The following ATOH8 variants were observed in gnomAD, a reference collection of about 807,000 sequenced individuals.
The protein encoded by ATOH8 is transcription factor ATOH8.
ATOH8 carries 9 observed loss-of-function variants against 21.2 expected under a neutral mutation model. The observed-to-expected ratio is 0.42, with a 90% CI of 0.26 to 0.74. The LOEUF (loss-of-function observed/expected upper bound fraction) is 0.74, where lower values mean the gene tolerates loss of function less well. Among genes scored for constraint, ATOH8 ranks in the 30% least tolerant of loss-of-function variants. The pLI is 0.24. For missense variants in ATOH8, 524 were observed against 470.9 expected (o/e 1.11, Z -1.04); for synonymous variants, 253 against 224.0 (o/e 1.13, Z -1.16).
At chr2:85,778,043 G>A (rs1317676972) in intron 2 of ATOH8, among the ~76,000 whole-genome samples, 3 of 152,256 alleles carry the variant, frequency 2.0e-5, no homozygotes, top group Non-Finnish European at 4.4e-5. Context: ...GCTCCGACAT[G>A]TAGCTACTAA....
At chr2:85,764,212 C>T in intron 2 of ATOH8, 30 bp downstream of exon 2, 2 of 1,611,564 alleles carry the variant, frequency 1.2e-6, no homozygotes, top group Non-Finnish European at 1.7e-6. Context: ...GCGGTAGCTT[C>T]TGGGGAGCAT....
Position 85,787,001 on chromosome 2 carries a change from A to G in ATOH8, c.*111A>G, listed in dbSNP as rs1680637086. The G allele has an allele frequency of 6.9e-7, 1 of 1,438,946 alleles. No individual in the cohort carries two copies. Among genetic ancestry groups the G allele is most frequent in the Non-Finnish European group, 9.6e-7 (1 of 1,036,732 alleles). 89.1% of individuals were successfully genotyped at this position (1,438,946 alleles called of 1,614,324 possible). On this transcript the variant is annotated 3_prime_UTR_variant, in exon 3 of 3. Transcript: ENST00000306279. ...TCGTGGTCTTCTCCAAGATGCCGCC[A>G]GATGCCCAGCCTACAGCCTCTCAGG...
rs78271162 is a variant in ATOH8, at chr2:85,782,881, A to T, written c.961-4004A>T. 5.2e-4 allele frequency among the ~76,000 whole-genome samples: 79 copies of T among 152,276 alleles called. 1 individual carries two copies. In the East Asian group the frequency reaches 0.013, roughly 26 times the overall value. On this transcript the variant is annotated intron_variant, in intron 2 of 2. Coordinates refer to ENST00000306279, the MANE Select transcript of ATOH8 (RefSeq NM_032827.7). ...CAGCTAATTTTTGTATTTTTAGTAG[A>T]GATGGGGTTTTGCCATGTTGGCCAG...
rs531270842 is a variant in ATOH8, at chr2:85,787,142, A to C, written c.*252A>C. 18 of 532,404 alleles carry C rather than the reference A, an allele frequency of 3.4e-5. No individual in the cohort carries two copies. In the South Asian group the frequency reaches 5.0e-4, roughly 15 times the overall value. 33.0% of individuals were successfully genotyped at this position (532,404 alleles called of 1,614,324 possible). A position where few individuals can be genotyped will look rare whatever the true frequency, so the allele number is the denominator to read the frequency against. On this transcript the variant is annotated 3_prime_UTR_variant, in exon 3 of 3. Coordinates refer to ENST00000306279, the MANE Select transcript of ATOH8 (RefSeq NM_032827.7). Reference sequence around the variant, plus strand: ...GAGGGGAGAGCTCAGCCCCCGACTCACTCAGACCCCAAGGCCCACTGTCCA... The same window carrying C: ...GAGGGGAGAGCTCAGCCCCCGACTCCCTCAGACCCCAAGGCCCACTGTCCA...
chr2:85,771,025 T>G (rs1241594676), intron 2 of ATOH8, among the ~76,000 whole-genome samples: 3 of 151,848 alleles, frequency 2.0e-5, no homozygotes, highest in African/African-American at 2.4e-5. Flanking sequence ...GAGCCAAGAT[T>G]CCCCTCTGGA....
Position 85,766,450 on chromosome 2 carries a change from T to C in ATOH8, c.960+2268T>C, listed in dbSNP as rs1680018754. On this transcript the variant is annotated intron_variant, in intron 2 of 2. Coordinates refer to ENST00000306279, the MANE Select transcript of ATOH8 (RefSeq NM_032827.7). This position sits in a 1 kb window ranked among gnomAD's most constrained non-coding sequence, Gnocchi z 4.0. ...TCTGGGAGGTGGGGTCTGTATGTCT[T>C]TGCCCTAATGACCTTCATGGTCTCG... Among the ~76,000 whole-genome samples, 1 of 152,026 alleles carries C rather than the reference T, an allele frequency of 6.6e-6. No homozygotes were observed. Among genetic ancestry groups the C allele is most frequent in the Non-Finnish European group, 1.5e-5 (1 of 67,984 alleles).
chr2:85,788,776 GC>G lies in ATOH8; in HGVS notation c.*1892del, dbSNP rs1260903047. Among the ~76,000 whole-genome samples the G allele has an allele frequency of 1.3e-5, 2 of 152,172 alleles. No homozygotes were observed. The highest frequency in any genetic ancestry group is 4.8e-5 in the African/African-American group (2 of 41,446). ...GCTGGGCTGGGGCTGGCTGCAGGGAGCCCCCCTTGCAGTAGCGTTTCTCAGG... is the reference window on the plus strand; with the variant it reads ...GCTGGGCTGGGGCTGGCTGCAGGGAGCCCCCTTGCAGTAGCGTTTCTCAGG... On this transcript the variant is annotated 3_prime_UTR_variant, in exon 3 of 3. Coordinates refer to ENST00000306279, the MANE Select transcript of ATOH8 (RefSeq NM_032827.7).
In ATOH8 at chr2:85,789,000, C is replaced by G. The variant is rs1680696998; in HGVS notation, c.*2110C>G. On this transcript the variant is annotated 3_prime_UTR_variant, in exon 3 of 3. Transcript: ENST00000306279. The stretch of plus-strand genomic sequence containing the variant: ...CACCCTGTGAAGCTGGCACAGATAA[C>G]AGCACTGCTCTGTTGTCCCTCGGAG... Among the ~76,000 whole-genome samples the G allele has an allele frequency of 6.6e-6, 1 of 152,222 alleles. No homozygotes were observed. The highest frequency in any genetic ancestry group is 2.4e-5 in the African/African-American group (1 of 41,446).
intron 2 of ATOH8, chr2:85,775,111 A>T: frequency 1.1e-6 from 1 of 934,876 alleles, no homozygotes; most frequent in Non-Finnish European, 1.3e-6. Context: ...ATTATATTAT[A>T]TTTTTAGGTG....
chr2:85,782,918 A>G (rs978602352), intron 2 of ATOH8, among the ~76,000 whole-genome samples: 2 of 151,990 alleles, frequency 1.3e-5, no homozygotes, highest in African/African-American at 2.4e-5. Context: ...CTGGTCTCGA[A>G]CTCCTGACCT....
intron 2 of ATOH8, among the ~76,000 whole-genome samples, chr2:85,778,908 G>GGC (rs1165860563): frequency 7.2e-6 from 1 of 138,610 alleles, no homozygotes; most frequent in East Asian, 1.9e-4. Flanking sequence ...TCGTGTGGCT[G>GGC]GGCCACCAGT....
intron 2 of ATOH8, among the ~76,000 whole-genome samples, chr2:85,770,114 G>A (rs1353100701): frequency 3.3e-5 from 5 of 152,192 alleles, no homozygotes; most frequent in Admixed American, 1.3e-4. Flanking sequence ...TTCAGAGAGC[G>A]TGGATCATGT....
intron 2 of ATOH8, 75 bp from the exon 3 acceptor site, chr2:85,786,810 G>A (rs983162628): frequency 6.2e-6 from 10 of 1,608,990 alleles, no homozygotes; most frequent in Non-Finnish European, 8.5e-6. Flanking sequence ...TCAGTGAAGG[G>A]ACATTCTGCA....
intron 1 of ATOH8, among the ~76,000 whole-genome samples, chr2:85,755,242 T>C (rs1679652230): frequency 6.6e-6 from 1 of 152,220 alleles, no homozygotes; most frequent in African/African-American, 2.4e-5. Context: ...TTCACTTTTA[T>C]GGCAGCGAGT....
intron 2 of ATOH8, chr2:85,781,192 G>A: frequency 1.9e-6 from 1 of 515,856 alleles, no homozygotes; most frequent in Non-Finnish European, 2.5e-6. Context: ...CATGGGAATA[G>A]CATATGGGAC....
intron 1 of ATOH8, among the ~76,000 whole-genome samples, chr2:85,760,593 C>T (rs1342200912): frequency 3.3e-5 from 5 of 152,242 alleles, no homozygotes; most frequent in Admixed American, 6.5e-5. Context: ...GAAATTCCTA[C>T]ATGCCTGAGA....
intron 2 of ATOH8, among the ~76,000 whole-genome samples, chr2:85,784,873 A>C (rs1012035515): frequency 6.6e-6 from 1 of 152,234 alleles, no homozygotes; most frequent in African/African-American, 2.4e-5. Context: ...TTCCCATTAC[A>C]TCCCAGTTGT....
chr2:85,775,234 G>A, intron 2 of ATOH8: 1 of 985,242 alleles, frequency 1.0e-6, no homozygotes. Context: ...CTTTCTCTTT[G>A]TGTCCTGTCT....
intron 2 of ATOH8, among the ~76,000 whole-genome samples, chr2:85,776,053 G>T (rs370644340): frequency 6.6e-6 from 1 of 152,178 alleles, no homozygotes; most frequent in East Asian, 1.9e-4. Context: ...TGCACTTTCC[G>T]GTTTGCAGAG....
Sources: allele counts gnomAD v4.1 joint callset (sites outside exome capture counted in the v4.1 genomes callset), GRCh38; gene constraint gnomAD v4.1.1; non-coding constraint Gnocchi (gnomAD v3.1); transcripts MANE v1.5; gene names NCBI Gene and HGNC (gene_info 2026-07-23, HGNC 2026-07-21).